Variants in PTPRG observed in about 807,000 individuals in gnomAD.
PTPRG encodes the protein receptor-type tyrosine-protein phosphatase gamma.
PTPRG carries 102 observed loss-of-function variants against 165.3 expected under a neutral mutation model. The observed-to-expected ratio is 0.62, with a 90% CI of 0.53 to 0.73. The LOEUF (loss-of-function observed/expected upper bound fraction) is 0.73, where lower values mean the gene tolerates loss of function less well. Among genes scored for constraint, PTPRG ranks in the 30% least tolerant of loss-of-function variants. The pLI is 0.00. For synonymous variants in PTPRG, 675 were observed against 669.5 expected (o/e 1.01, Z -0.13); for missense variants, 1,866 against 1,861.4 (o/e 1.00, Z -0.05).
At chr3:61,893,524 C>G (rs146025840) in intron 2 of PTPRG, among the ~76,000 whole-genome samples, 1 of 152,182 alleles carries the variant, frequency 6.6e-6, no homozygotes, top group Non-Finnish European at 1.5e-5. Flanking sequence ...TAGTCTTAAC[C>G]GCTATGGCGC....
intron 1 of PTPRG, among the ~76,000 whole-genome samples, chr3:61,676,375 T>G (rs1390762688): frequency 7.2e-6 from 1 of 138,242 alleles, no homozygotes; most frequent in East Asian, 2.1e-4. Context: ...GAGAATGGCG[T>G]GAACCTGGGA....
At chr3:61,579,596 A>G (rs1407633349) in intron 1 of PTPRG, among the ~76,000 whole-genome samples, 1 of 152,250 alleles carries the variant, frequency 6.6e-6, no homozygotes, top group African/African-American at 2.4e-5. Flanking sequence ...GTATCACGTA[A>G]CTTGGAAAGC....
At chr3:61,731,984 T>C (rs560278604) in intron 1 of PTPRG, among the ~76,000 whole-genome samples, 2 of 151,928 alleles carry the variant, frequency 1.3e-5, no homozygotes, top group African/African-American at 2.4e-5. Context: ...GTATTTTCAA[T>C]AGAGACGGGG....
At chr3:62,016,384 TCTCGAAC>T (rs1281399685) in intron 4 of PTPRG, among the ~76,000 whole-genome samples, 3 of 152,108 alleles carry the variant, frequency 2.0e-5, no homozygotes, top group Admixed American at 2.0e-4. Context: ...GCCAGGCTGG[TCTCGAAC>T]TCCTGACCTC....
At chr3:62,241,429 C>T (rs1251802921) in intron 14 of PTPRG, among the ~76,000 whole-genome samples, 1 of 152,112 alleles carries the variant, frequency 6.6e-6, no homozygotes, top group Non-Finnish European at 1.5e-5. Context: ...GCTTTGTCCC[C>T]CAGGTTTCTG....
At chr3:61,979,404 T>G (rs1020162144) in intron 2 of PTPRG, among the ~76,000 whole-genome samples, 1 of 152,246 alleles carries the variant, frequency 6.6e-6, no homozygotes, top group African/African-American at 2.4e-5. Flanking sequence ...TGAACAGATA[T>G]GAAAATAGAC....
chr3:61,956,092 A>C (rs1356612965), intron 2 of PTPRG, among the ~76,000 whole-genome samples: 1 of 150,622 alleles, frequency 6.6e-6, no homozygotes, highest in African/African-American at 2.4e-5. Flanking sequence ...GAAAAAAATT[A>C]TATATATATA....
intron 2 of PTPRG, among the ~76,000 whole-genome samples, chr3:61,774,874 A>G (rs1222061652): frequency 6.6e-6 from 1 of 152,146 alleles, no homozygotes; most frequent in South Asian, 2.1e-4. Context: ...AGTGACCCAG[A>G]GATTGGACTG....
At chr3:62,176,931 C>G (rs1283663097) in intron 8 of PTPRG, among the ~76,000 whole-genome samples, 2 of 152,098 alleles carry the variant, frequency 1.3e-5, no homozygotes, top group African/African-American at 4.8e-5. Flanking sequence ...TGACCTTGCT[C>G]AAGCTAATAT....
intron 1 of PTPRG, among the ~76,000 whole-genome samples, chr3:61,710,604 GT>G (rs1673121557): frequency 6.6e-6 from 1 of 151,642 alleles, no homozygotes; most frequent in African/African-American, 2.4e-5. Context: ...AACATTATGA[GT>G]TTTTTTGCAT....
rs557695185 is a variant in PTPRG at position 62,175,907 on chromosome 3, G to A, written c.1033+7744G>A. 3.2e-4 allele frequency among the ~76,000 whole-genome samples: 49 copies of A among 152,292 alleles called. 1 individual carries two copies. The South Asian group carries it at 9.5e-3, about 30-fold the overall frequency. ...CCAACCTAGAGCGAGGTAAACAAAG[G>A]GGGAAGCAAGATCAGAGAGAAGAGC... On this transcript the variant is annotated intron_variant, in intron 8 of 29. Transcript: ENST00000474889.
At chr3:62,235,131 T>C (rs983230773) in intron 14 of PTPRG, among the ~76,000 whole-genome samples, 1 of 152,138 alleles carries the variant, frequency 6.6e-6, no homozygotes, top group African/African-American at 2.4e-5. Flanking sequence ...CTGAAAAATA[T>C]GTGCAGTAAA....
At chr3:62,155,840 T>C (rs1244687950) in intron 6 of PTPRG, among the ~76,000 whole-genome samples, 1 of 152,082 alleles carries the variant, frequency 6.6e-6, no homozygotes, top group African/African-American at 2.4e-5. Context: ...GGCTTGGGAA[T>C]GATATTCCTG....
chr3:61,653,710 T>C (rs1702425238), intron 1 of PTPRG, among the ~76,000 whole-genome samples: 1 of 152,150 alleles, frequency 6.6e-6, no homozygotes, highest in South Asian at 2.1e-4. Flanking sequence ...CTTTCAACTT[T>C]CTTTGCTCAT....
intron 1 of PTPRG, among the ~76,000 whole-genome samples, chr3:61,586,201 A>G (rs781536073): frequency 1.3e-5 from 2 of 152,110 alleles, no homozygotes; most frequent in African/African-American, 2.4e-5. Context: ...TCCATCCCCA[A>G]ATATCTAGGA....
At chr3:61,761,131 G>C (rs2033820425) in intron 2 of PTPRG, among the ~76,000 whole-genome samples, 1 of 152,162 alleles carries the variant, frequency 6.6e-6, no homozygotes, top group Non-Finnish European at 1.5e-5. Context: ...TGGGATTGCT[G>C]GGTCTAATGG....
intron 2 of PTPRG, among the ~76,000 whole-genome samples, chr3:61,842,211 C>T (rs1027310577): frequency 6.6e-6 from 1 of 152,206 alleles, no homozygotes; most frequent in African/African-American, 2.4e-5. Flanking sequence ...CCTCCTCCTT[C>T]AAATATCACA....
At chr3:61,932,542 C>G (rs2039387114) in intron 2 of PTPRG, among the ~76,000 whole-genome samples, 1 of 152,202 alleles carries the variant, frequency 6.6e-6, no homozygotes, top group African/African-American at 2.4e-5. Flanking sequence ...TTGCTGAGTT[C>G]TTACTGTGTG....
At chr3:61,708,562 C>T (rs1210693228) in intron 1 of PTPRG, among the ~76,000 whole-genome samples, 4 of 140,656 alleles carry the variant, frequency 2.8e-5, no homozygotes, top group Non-Finnish European at 4.5e-5. Context: ...TCATGCCATT[C>T]TTCTGCCTCA....
Sources: allele counts gnomAD v4.1 joint callset (sites outside exome capture counted in the v4.1 genomes callset), GRCh38; gene constraint gnomAD v4.1.1; transcripts MANE v1.5; gene names NCBI Gene and HGNC (gene_info 2026-07-23, HGNC 2026-07-21).